Variants in CPS1 observed in about 807,000 individuals in gnomAD.
CPS1 encodes carbamoyl-phosphate synthase 1.
In CPS1, 109 loss-of-function variants were observed where a neutral mutation model predicts 174.6. The observed-to-expected ratio is 0.62, with a 90% CI of 0.53 to 0.73. The LOEUF (loss-of-function observed/expected upper bound fraction) is 0.73. Among genes scored for constraint, CPS1 ranks in the 30% least tolerant of loss-of-function variants. CPS1 has a pLI of 0.00. For synonymous variants in CPS1, 637 were observed against 632.0 expected, an observed-to-expected ratio of 1.01 and a Z score of -0.12; for missense variants, 1,689 against 1,821.9, an observed-to-expected ratio of 0.93 and a Z score of 1.33.
At chr2:210,608,981 A>G (rs1441060936) in intron 19 of CPS1, among the ~76,000 whole-genome samples, 1 of 151,952 alleles carries the variant, frequency 6.6e-6, no homozygotes, top group African/African-American at 2.4e-5. Flanking sequence ...CCATTCATGC[A>G]AATTGTGGCT....
At chr2:210,569,883 G>A (rs1697421293) in intron 1 of CPS1, among the ~76,000 whole-genome samples, 2 of 151,776 alleles carry the variant, frequency 1.3e-5, no homozygotes, top group Non-Finnish European at 2.9e-5. Flanking sequence ...CTGGCAGTAG[G>A]CACTTAAATT....
intron 19 of CPS1, among the ~76,000 whole-genome samples, chr2:210,610,567 T>C (rs1699077142): frequency 6.6e-6 from 1 of 151,904 alleles, no homozygotes; most frequent in African/African-American, 2.4e-5. Flanking sequence ...TATAGTAGAA[T>C]AGGGTTGAGG....
intron 21 of CPS1, among the ~76,000 whole-genome samples, chr2:210,628,630 T>A (rs1699764878): frequency 6.6e-6 from 1 of 152,022 alleles, no homozygotes; most frequent in South Asian, 2.1e-4. Context: ...TGAAATACTG[T>A]CTCTACTAAA....
chr2:210,617,563 A>G (rs1699353298), intron 21 of CPS1: 1 of 152,046 alleles, frequency 6.6e-6, no homozygotes, highest in Non-Finnish European at 1.5e-5. Context: ...TATGTGTACA[A>G]ACTAGGTAAT....
At chr2:210,564,248 A>G (rs1406510109) in intron 1 of CPS1, among the ~76,000 whole-genome samples, 1 of 152,184 alleles carries the variant, frequency 6.6e-6, no homozygotes, top group East Asian at 1.9e-4. Flanking sequence ...TTGAGAGTTT[A>G]TTGGAATTTC....
chr2:210,503,937 A>G (rs899968202), intron 1 of CPS1, among the ~76,000 whole-genome samples: 1 of 152,116 alleles, frequency 6.6e-6, no homozygotes, highest in African/African-American at 2.4e-5. Context: ...GATGCTTTTC[A>G]CTGGAAGACC....
intron 1 of CPS1, among the ~76,000 whole-genome samples, chr2:210,504,689 G>A (rs956577925): frequency 1.3e-5 from 2 of 152,176 alleles, no homozygotes; most frequent in African/African-American, 4.8e-5. Context: ...AGAAAAGGGT[G>A]TATTTCCTGT....
chr2:210,485,307 G>A (rs1272159608), intron 1 of CPS1, among the ~76,000 whole-genome samples: 1 of 151,682 alleles, frequency 6.6e-6, no homozygotes, highest in African/African-American at 2.4e-5. Context: ...GGTATCTAAA[G>A]TATACCATTT....
chr2:210,569,052 A>G (rs1238429766), intron 1 of CPS1, among the ~76,000 whole-genome samples: 1 of 152,222 alleles, frequency 6.6e-6, no homozygotes, highest in African/African-American at 2.4e-5. Context: ...TTATCTGACT[A>G]AAGTAATTTC....
intron 29 of CPS1, 142 bp from the exon 30 acceptor site, chr2:210,656,383 T>C: frequency 4.4e-6 from 3 of 689,380 alleles, no homozygotes; most frequent in Non-Finnish European, 7.9e-6. Flanking sequence ...CATTTTCTAC[T>C]GCTCTCATCA....
chr2:210,670,455 A>G (rs988146966), intron 34 of CPS1, among the ~76,000 whole-genome samples: 3 of 151,654 alleles, frequency 2.0e-5, no homozygotes, highest in Non-Finnish European at 4.4e-5. Flanking sequence ...GCCAAATCTA[A>G]TCTCAACTTT....
chr2:210,526,992 A>G (rs2544311), intron 1 of CPS1, among the ~76,000 whole-genome samples: 63,958 of 151,814 alleles, frequency 0.42, 13,728 homozygotes, highest in Middle Eastern at 0.53. Flanking sequence ...TGGTGCAAAA[A>G]TAATTGTTTT....
chr2:210,620,071 C>T (rs1313423706), intron 21 of CPS1, among the ~76,000 whole-genome samples: 1 of 151,692 alleles, frequency 6.6e-6, no homozygotes, highest in Non-Finnish European at 1.5e-5. Context: ...TATCCCAGAA[C>T]TTAAAGTATA....
intron 1 of CPS1, among the ~76,000 whole-genome samples, chr2:210,564,192 T>A (rs1697202285): frequency 6.6e-6 from 1 of 152,142 alleles, no homozygotes; most frequent in Admixed American, 6.5e-5. Context: ...TGTTTGACAA[T>A]GGTGAAACAA....
intron 1 of CPS1, among the ~76,000 whole-genome samples, chr2:210,542,349 A>G (rs1696455279): frequency 6.6e-6 from 1 of 152,154 alleles, no homozygotes; most frequent in South Asian, 2.1e-4. Context: ...TAATGACAGC[A>G]TGATCTTACT....
chr2:210,581,770 C>T (rs1697930160), intron 5 of CPS1, among the ~76,000 whole-genome samples: 1 of 152,140 alleles, frequency 6.6e-6, no homozygotes, highest in Non-Finnish European at 1.5e-5. Context: ...CACTTACCCC[C>T]AAGTGACTTC....
At chr2:210,518,190 A>G (rs1695731588) in intron 1 of CPS1, among the ~76,000 whole-genome samples, 2 of 151,956 alleles carry the variant, frequency 1.3e-5, no homozygotes, top group Admixed American at 1.3e-4. Flanking sequence ...TTCTAATTTT[A>G]TAAATTAGAC....
At chr2:210,597,805 T>C (rs1381984782) in intron 13 of CPS1, among the ~76,000 whole-genome samples, 3 of 151,652 alleles carry the variant, frequency 2.0e-5, no homozygotes, top group Non-Finnish European at 4.4e-5. Context: ...AGGAATGAGA[T>C]AGAGCTATGA....
chr2:210,663,320 G>A lies in CPS1; in HGVS notation c.4002+123G>A. The A allele has an allele frequency of 4.4e-6, 4 of 911,964 alleles. No homozygotes were observed. In the South Asian group the frequency reaches 4.8e-5, roughly 11 times the overall value. 56.5% of individuals were successfully genotyped at this position (911,964 alleles called of 1,614,324 possible). ...CTGCTATCAGAGTAAGACTCAAAGA[G>A]CTTATGAATTTTGAATTTAAAAAAT... On this transcript the variant is annotated intron_variant, in intron 33 of 37. Coordinates refer to ENST00000233072, the MANE Select transcript of CPS1 (RefSeq NM_001875.5).
Sources: gnomAD v4.1 joint callset for allele counts (sites outside exome capture counted in the v4.1 genomes callset) on GRCh38, gnomAD v4.1.1 for gene constraint, MANE v1.5 for transcripts, NCBI Gene and HGNC (gene_info 2026-07-23, HGNC 2026-07-21) for gene names.